Variants in MACROH2A2 observed in about 807,000 individuals in gnomAD.
MACROH2A2 encodes the protein macroH2A.2 histone, also known as core histone macro-H2A.2.
In MACROH2A2, 6 loss-of-function variants were observed where a neutral mutation model predicts 37.6. The ratio of observed to expected loss-of-function variants is 0.16; its 90% CI spans 0.09 to 0.32. The LOEUF is 0.32. Among genes scored for constraint, MACROH2A2 ranks in the 10% least tolerant of loss-of-function variants. The pLI, the probability that MACROH2A2 is intolerant of heterozygous loss-of-function variation, is 1.00. For missense variants in MACROH2A2, 290 were observed against 485.9 expected (o/e 0.60, Z 3.79); for synonymous variants, 192 against 202.7 (o/e 0.95, Z 0.45).
At chr10:70,092,902 G>GT (rs2072254493) in intron 4 of MACROH2A2, among the ~76,000 whole-genome samples, 1 of 152,120 alleles carries the variant, frequency 6.6e-6, no homozygotes, top group Non-Finnish European at 1.5e-5. Context: ...TATACTAGGT[G>GT]TTTGGGTTAG....
chr10:70,070,746 C>A (rs1190423633), intron 1 of MACROH2A2, among the ~76,000 whole-genome samples: 1 of 152,160 alleles, frequency 6.6e-6, no homozygotes, highest in Admixed American at 6.5e-5. Context: ...CCTTAGCCTC[C>A]CAAAATGTAG....
intron 1 of MACROH2A2, among the ~76,000 whole-genome samples, chr10:70,069,445 GA>G (rs1375228307): frequency 6.6e-6 from 1 of 152,088 alleles, no homozygotes; most frequent in Admixed American, 6.5e-5. Flanking sequence ...TTTCTGCTAT[GA>G]AAGGACAGGT....
chr10:70,100,783 G>T (rs554660731), intron 7 of MACROH2A2, among the ~76,000 whole-genome samples: 13 of 152,068 alleles, frequency 8.5e-5, no homozygotes, highest in African/African-American at 3.1e-4. Flanking sequence ...TGCCTGGCTA[G>T]TGTTTGTATT....
chr10:70,102,561 A>T (rs2072312937), intron 7 of MACROH2A2, among the ~76,000 whole-genome samples: 1 of 152,140 alleles, frequency 6.6e-6, no homozygotes, highest in Non-Finnish European at 1.5e-5. Flanking sequence ...TACTAAAAAT[A>T]CAAAAATTAG....
In MACROH2A2 at chr10:70,063,397, A is replaced by G. The variant is rs373345046; in HGVS notation, c.-60+10397A>G. On this transcript the variant is annotated intron_variant, in intron 1 of 8. Coordinates refer to ENST00000373255, the MANE Select transcript of MACROH2A2 (RefSeq NM_018649.3). ...GTTTATGGGAACCTCATATGCTGCA[A>G]TTGTGCAAATACAGACACACTGAGT... Among the ~76,000 whole-genome samples, 50 of 152,294 alleles carry G rather than the reference A, an allele frequency of 3.3e-4. 1 individual carries two copies. The highest frequency in any genetic ancestry group is 1.1e-3 in the African/African-American group (47 of 41,566).
intron 7 of MACROH2A2, among the ~76,000 whole-genome samples, chr10:70,106,802 CA>C (rs56986649): frequency 0.018 from 1,202 of 65,398 alleles, 9 homozygotes; most frequent in African/African-American, 0.057. Flanking sequence ...CATCCTGTCT[CA>C]AAAAAAAAAA....
At chr10:70,057,919 G>A (rs1445577551) in intron 1 of MACROH2A2, among the ~76,000 whole-genome samples, 1 of 152,146 alleles carries the variant, frequency 6.6e-6, no homozygotes, top group Admixed American at 6.5e-5. Context: ...GGGGGATGGT[G>A]AAGAACATGC....
chr10:70,100,256 A>G lies in MACROH2A2; in HGVS notation c.737A>G (p.Lys246Arg). The G allele has an allele frequency of 6.2e-7, 1 of 1,612,052 alleles. No homozygotes were observed. Among genetic ancestry groups the G allele is most frequent in the Non-Finnish European group, 8.5e-7 (1 of 1,178,384 alleles). ...AGGKEFLETV[K>R]ELRKSQGPLE... Reference sequence around the variant, plus strand: ...GGAAAAGAGTTCTTGGAAACGGTAAAGGAGCTTCGCAAATCCCAAGGCCCT... The same window carrying G: ...GGAAAAGAGTTCTTGGAAACGGTAAGGGAGCTTCGCAAATCCCAAGGCCCT... The change falls in exon 7 of 9, where the codon AAG becomes AGG. Residue 246 changes from lysine to arginine, a missense_variant. Lys to Arg is a conservative substitution (Grantham distance 26). Transcript: ENST00000373255.
intron 1 of MACROH2A2, among the ~76,000 whole-genome samples, chr10:70,058,026 T>C (rs1402502353): frequency 6.6e-6 from 1 of 152,178 alleles, no homozygotes; most frequent in African/African-American, 2.4e-5. Flanking sequence ...GCTGGTAGCT[T>C]TCCGATGATT....
At chr10:70,054,053 G>A (rs1193828302) in intron 1 of MACROH2A2, among the ~76,000 whole-genome samples, 1 of 152,150 alleles carries the variant, frequency 6.6e-6, no homozygotes, top group Non-Finnish European at 1.5e-5. Flanking sequence ...CTTTCCTTGG[G>A]GGGGCGCCCT....
intron 2 of MACROH2A2, among the ~76,000 whole-genome samples, chr10:70,088,678 C>A (rs16927253): frequency 6.6e-6 from 1 of 152,202 alleles, no homozygotes; most frequent in Non-Finnish European, 1.5e-5. Flanking sequence ...TGCTTTCCTA[C>A]GCAGGTCTCC....
intron 2 of MACROH2A2, among the ~76,000 whole-genome samples, chr10:70,080,070 A>G (rs1364553261): frequency 6.6e-6 from 1 of 152,170 alleles, no homozygotes; most frequent in Non-Finnish European, 1.5e-5. Context: ...ACCTGAGGTC[A>G]GGAGTTCGAG....
At chr10:70,110,658 G>T (rs767092885) in intron 8 of MACROH2A2, among the ~76,000 whole-genome samples, 16 of 151,806 alleles carry the variant, frequency 1.1e-4, no homozygotes, top group Non-Finnish European at 1.5e-4. Flanking sequence ...GCTGAGGCAG[G>T]AGGATCATTT....
intron 2 of MACROH2A2, among the ~76,000 whole-genome samples, chr10:70,087,053 TG>T (rs1195086461): frequency 6.6e-6 from 1 of 152,020 alleles, no homozygotes; most frequent in Admixed American, 6.5e-5. Flanking sequence ...TAGCCTGGCA[TG>T]GTGGCACAAG....
At chr10:70,100,141 A>G in intron 6 of MACROH2A2, 67 bp from the exon 7 acceptor site, 2 of 806,738 alleles carry the variant, frequency 2.5e-6, no homozygotes, top group South Asian at 1.6e-5. Flanking sequence ...CCTACTACAA[A>G]TATGTCAAAC....
chr10:70,093,848 A>G lies in MACROH2A2; in HGVS notation c.588+3A>G. The stretch of plus-strand genomic sequence containing the variant: ...AGAGCCTTGTTCTGGGACAGAAGGT[A>G]ACAAAGAGAATTGCCTTGTGCTATA... On this transcript the variant is annotated splice_donor_region_variant and intron_variant, in intron 5 of 8. Transcript: ENST00000373255. The G allele has an allele frequency of 6.7e-7, 1 of 1,494,680 alleles. No individual in the cohort carries two copies. The highest frequency in any genetic ancestry group is 9.3e-7 in the Non-Finnish European group (1 of 1,071,474). 92.6% of individuals were successfully genotyped at this position (1,494,680 alleles called of 1,614,324 possible). A position where few individuals can be genotyped will look rare whatever the true frequency, so the allele number is the denominator to read the frequency against.
intron 7 of MACROH2A2, among the ~76,000 whole-genome samples, chr10:70,103,841 A>G (rs531362301): frequency 4.6e-5 from 7 of 152,332 alleles, no homozygotes; most frequent in African/African-American, 1.7e-4. Context: ...TGAAGGGAAA[A>G]AAAAAACTGT....
At chr10:70,102,506 C>T (rs1475840945) in intron 7 of MACROH2A2, among the ~76,000 whole-genome samples, 1 of 152,098 alleles carries the variant, frequency 6.6e-6, no homozygotes, top group Non-Finnish European at 1.5e-5. Flanking sequence ...ATCACGAGGA[C>T]AGGAGTTCAA....
chr10:70,056,513 TTGATAATACATAA>T (rs2072018233), intron 1 of MACROH2A2, among the ~76,000 whole-genome samples: 1 of 152,222 alleles, frequency 6.6e-6, no homozygotes, highest in Admixed American at 6.5e-5. Context: ...TTTAAAGTGA[TTGATAATACATAA>T]TGATAATACA....
Sources: gnomAD v4.1 joint callset for allele counts (sites outside exome capture counted in the v4.1 genomes callset) on GRCh38, gnomAD v4.1.1 for gene constraint, MANE v1.5 for transcripts, NCBI Gene and HGNC (gene_info 2026-07-23, HGNC 2026-07-21) for gene names.